The following FAT2 variants were observed in gnomAD, a reference collection of about 807,000 sequenced individuals.
FAT2 encodes protocadherin Fat 2.
FAT2 carries 150 observed loss-of-function variants against 295.3 expected under a neutral mutation model. The observed-to-expected ratio is 0.51, with a 90% CI of 0.44 to 0.58. The LOEUF (loss-of-function observed/expected upper bound fraction) is 0.58. Among genes scored for constraint, FAT2 ranks in the 20% least tolerant of loss-of-function variants. The probability of loss-of-function intolerance (pLI) is 0.00; values close to 1 mark genes in which losing one functional copy is unlikely to be tolerated. For synonymous variants in FAT2, 2,026 were observed against 2,150.3 expected, an observed-to-expected ratio of 0.94 and a Z score of 1.60; for missense variants, 4,868 against 5,442.7, an observed-to-expected ratio of 0.89 and a Z score of 3.32.
intron 1 of FAT2, among the ~76,000 whole-genome samples, chr5:151,578,693 T>TA (rs2127658259): frequency 6.6e-6 from 1 of 152,306 alleles, no homozygotes; most frequent in African/African-American, 2.4e-5. Context: ...TTATTCACAA[T>TA]AGCCAAGATA....
At position 151,555,954 on chromosome 5, in the gene FAT2, A is replaced by G. The variant is rs114176576; in HGVS notation, c.3633+390T>C. 9.6e-3 allele frequency among the ~76,000 whole-genome samples: 1,467 copies of G among 152,298 alleles called. 21 individuals are homozygous for G. The highest frequency in any genetic ancestry group is 0.034 in the African/African-American group (1,407 of 41,568). ...TAGAGGCATCCTAGAAAGAGCACAG[A>G]TCTAGAAGACAAAGGTCTGGTTTTC... On this transcript the variant is annotated intron_variant, in intron 4 of 23. Coordinates refer to ENST00000261800, the MANE Select transcript of FAT2 (RefSeq NM_001447.3).
intron 10 of FAT2, among the ~76,000 whole-genome samples, chr5:151,541,206 C>T (rs899577537): frequency 2.6e-5 from 4 of 152,200 alleles, no homozygotes; most frequent in African/African-American, 9.7e-5. Flanking sequence ...TCTGTAGGAG[C>T]ACTAGGGTTT....
At chr5:151,579,615 A>G (rs1284579443) in intron 1 of FAT2, among the ~76,000 whole-genome samples, 1 of 152,208 alleles carries the variant, frequency 6.6e-6, no homozygotes, top group Non-Finnish European at 1.5e-5. Flanking sequence ...ATATGAGTTA[A>G]TGGATGTGTT....
intron 14 of FAT2, among the ~76,000 whole-genome samples, chr5:151,530,368 C>A (rs1184085686): frequency 6.6e-6 from 1 of 152,128 alleles, no homozygotes. Flanking sequence ...TGATCAAGGC[C>A]TTTGATCCAA....
intron 3 of FAT2, among the ~76,000 whole-genome samples, chr5:151,561,224 C>T (rs1239539065): frequency 6.6e-6 from 1 of 152,196 alleles, no homozygotes; most frequent in Admixed American, 6.5e-5. Context: ...CCCTGTTAAA[C>T]AGAATGGCAC....
At chr5:151,588,677 TAGG>T (rs1468518303) in intron 1 of FAT2, among the ~76,000 whole-genome samples, 1 of 152,182 alleles carries the variant, frequency 6.6e-6, no homozygotes, top group Non-Finnish European at 1.5e-5. Flanking sequence ...CTTATCTTAG[TAGG>T]AGAGCCAATA....
At chr5:151,560,366 G>C (rs1295064583) in intron 3 of FAT2, among the ~76,000 whole-genome samples, 1 of 152,196 alleles carries the variant, frequency 6.6e-6, no homozygotes, top group Non-Finnish European at 1.5e-5. Context: ...ACTTTCCCAA[G>C]ATGTCATTAT....
intron 6 of FAT2, 40 bp downstream of exon 6, chr5:151,553,137 G>A: frequency 1.3e-6 from 2 of 1,588,138 alleles, no homozygotes; most frequent in Non-Finnish European, 1.7e-6. Flanking sequence ...TATAAGGATG[G>A]GAGGGGTTGG....
chr5:151,545,189 TCTC>T lies in FAT2; in HGVS notation c.5935_5937del (p.Glu1979del). 6.2e-7 allele frequency: 1 copy of T among 1,614,154 alleles called. No individual in the cohort carries two copies. The highest frequency in any genetic ancestry group is 8.5e-7 in the Non-Finnish European group (1 of 1,180,024). ...ACCAGTGCCTTTCTGTCCTGCAAGT[TCTC>T]CTTCACAGCTGCCCAGTAGACATCC... On this transcript the variant is annotated inframe_deletion, in exon 10 of 24. Transcript: ENST00000261800.
chr5:151,540,824 C>A, intron 10 of FAT2, 61 bp from the exon 11 acceptor site: 2 of 1,463,774 alleles, frequency 1.4e-6, no homozygotes, highest in Non-Finnish European at 1.9e-6. Flanking sequence ...GGCTTTGTGT[C>A]ACAGGTGGCT....
Position 151,507,323 on chromosome 5 carries a change from T to G in FAT2, c.12348A>C (p.Gln4116His). The change falls in exon 23 of 24, where the codon CAA becomes CAC. Residue 4116 changes from glutamine to histidine, a missense_variant. By Grantham distance (24) the Gln-to-His change is conservative. Coordinates refer to ENST00000261800, the MANE Select transcript of FAT2 (RefSeq NM_001447.3). ...GAACAGAGGCCTTGCTGGGTTCCGG[T>G]TGGTTGAGGTTGTTGCAGGAGCTGG... The part of the protein sequence containing the change: ...LSASSCNNLN[Q>H]PEPSKASVPN... The G allele has an allele frequency of 6.2e-7, 1 of 1,614,130 alleles. No homozygotes were observed. The highest frequency in any genetic ancestry group is 8.5e-7 in the Non-Finnish European group (1 of 1,180,010).
At chr5:151,555,655 C>T (rs1008045179) in intron 4 of FAT2, among the ~76,000 whole-genome samples, 4 of 152,116 alleles carry the variant, frequency 2.6e-5, no homozygotes, top group African/African-American at 9.7e-5. Flanking sequence ...CAGGCATGAG[C>T]CACCGTGCCT....
At chr5:151,516,494 C>T (rs146556268) in intron 20 of FAT2, among the ~76,000 whole-genome samples, 105 of 152,176 alleles carry the variant, frequency 6.9e-4, no homozygotes, top group African/African-American at 2.4e-3. Context: ...CCAGCCTGGG[C>T]GACAGAGTGA....
intron 13 of FAT2, among the ~76,000 whole-genome samples, chr5:151,533,401 C>G (rs1202064454): frequency 7.7e-6 from 1 of 129,610 alleles, no homozygotes; most frequent in Non-Finnish European, 1.5e-5. Context: ...CCAACACACA[C>G]ACACACACAC....
chr5:151,553,870 T>C (rs1338654421), intron 5 of FAT2, among the ~76,000 whole-genome samples: 1 of 152,226 alleles, frequency 6.6e-6, no homozygotes, highest in Non-Finnish European at 1.5e-5. Flanking sequence ...TAAGGCTCAG[T>C]GTGGTCGATT....
intron 3 of FAT2, among the ~76,000 whole-genome samples, chr5:151,558,326 A>T (rs889140789): frequency 5.9e-5 from 9 of 152,208 alleles, no homozygotes; most frequent in Non-Finnish European, 1.5e-5. Context: ...TAAAAAAGGC[A>T]GCTTGTCGCC....
At chr5:151,516,680 A>G (rs546027972) in intron 20 of FAT2, among the ~76,000 whole-genome samples, 5 of 152,326 alleles carry the variant, frequency 3.3e-5, no homozygotes, top group Non-Finnish European at 7.3e-5. Flanking sequence ...AAAGCTTTAA[A>G]AGGGATTTCT....
intron 11 of FAT2, among the ~76,000 whole-genome samples, chr5:151,539,218 A>G (rs1000624996): frequency 6.6e-6 from 1 of 152,196 alleles, no homozygotes; most frequent in African/African-American, 2.4e-5. Context: ...GACATTTTGC[A>G]TGCATACCAA....
chr5:151,581,818 G>T (rs1758967781), intron 1 of FAT2, among the ~76,000 whole-genome samples: 1 of 152,150 alleles, frequency 6.6e-6, no homozygotes, highest in African/African-American at 2.4e-5. Flanking sequence ...GAAGGGGGAG[G>T]ATCATATGAT....
Sources: allele counts gnomAD v4.1 joint callset (sites outside exome capture counted in the v4.1 genomes callset), GRCh38; gene constraint gnomAD v4.1.1; transcripts MANE v1.5; gene names NCBI Gene and HGNC (gene_info 2026-07-23, HGNC 2026-07-21).